Variants in FHIT observed in about 807,000 individuals in gnomAD.
FHIT encodes fragile histidine triad diadenosine triphosphatase, also known as bis(5'-adenosyl)-triphosphatase.
Under a neutral mutation model 17.9 loss-of-function variants are expected in FHIT, and 19 were observed. The observed-to-expected ratio is 1.06, with a 90% CI of 0.74 to 1.56. The LOEUF (loss-of-function observed/expected upper bound fraction) is 1.56. Ranked by LOEUF, FHIT falls within the 40% of genes most tolerant of loss-of-function variation. The pLI, the probability that FHIT is intolerant of heterozygous loss-of-function variation, is 0.00. For missense variants in FHIT, 248 were observed against 189.2 expected (o/e 1.31, Z -1.82); for synonymous variants, 81 against 69.7 (o/e 1.16, Z -0.81).
intron 7 of FHIT, among the ~76,000 whole-genome samples, chr3:59,938,617 G>A (rs1559481699): frequency 6.6e-6 from 1 of 151,988 alleles, no homozygotes; most frequent in Non-Finnish European, 1.5e-5. Flanking sequence ...ATGTGAATTT[G>A]CTTCATTATA....
chr3:59,845,826 A>G (rs138468073), intron 8 of FHIT, among the ~76,000 whole-genome samples: 1 of 152,120 alleles, frequency 6.6e-6, no homozygotes, highest in African/African-American at 2.4e-5. Flanking sequence ...CTGTTTTCTT[A>G]CTTAACTTCT....
chr3:60,473,286 A>G (rs1404362789), intron 5 of FHIT, among the ~76,000 whole-genome samples: 1 of 152,202 alleles, frequency 6.6e-6, no homozygotes, highest in African/African-American at 2.4e-5. Flanking sequence ...TAATTAAAGC[A>G]CTTAATTTGC....
At chr3:61,150,856 C>G (rs540640541) in intron 2 of FHIT, among the ~76,000 whole-genome samples, 2 of 152,002 alleles carry the variant, frequency 1.3e-5, no homozygotes, top group Non-Finnish European at 2.9e-5. Flanking sequence ...AATGCAAATA[C>G]GTAAGAGAGA....
At chr3:61,033,641 G>C (rs2033110644) in intron 3 of FHIT, among the ~76,000 whole-genome samples, 1 of 152,260 alleles carries the variant, frequency 6.6e-6, no homozygotes. Flanking sequence ...CAGAAGGAAA[G>C]ACTCCAGTAT....
chr3:60,557,942 T>C (rs17031618), intron 4 of FHIT, among the ~76,000 whole-genome samples: 17,391 of 152,068 alleles, frequency 0.11, 1,194 homozygotes, highest in Middle Eastern at 0.21. Flanking sequence ...CCTGGTTTCA[T>C]TGCAAAAATG....
At chr3:60,152,625 G>A (rs1234695820) in intron 5 of FHIT, among the ~76,000 whole-genome samples, 1 of 152,064 alleles carries the variant, frequency 6.6e-6, no homozygotes, top group Non-Finnish European at 1.5e-5. Flanking sequence ...AAATAACAAA[G>A]GAAAACATGT....
At chr3:59,948,064 A>T (rs2107295103) in intron 7 of FHIT, among the ~76,000 whole-genome samples, 1 of 152,136 alleles carries the variant, frequency 6.6e-6, no homozygotes, top group East Asian at 1.9e-4. Flanking sequence ...GAACCTTTTG[A>T]CTGTGTCCAG....
chr3:61,135,999 A>T (rs778993266), intron 2 of FHIT, among the ~76,000 whole-genome samples: 1 of 152,198 alleles, frequency 6.6e-6, no homozygotes, highest in Non-Finnish European at 1.5e-5. Flanking sequence ...GCTCATGATC[A>T]TGCTGGAGGT....
At chr3:59,992,196 A>G (rs1699305785) in intron 7 of FHIT, among the ~76,000 whole-genome samples, 1 of 151,996 alleles carries the variant, frequency 6.6e-6, no homozygotes, top group Non-Finnish European at 1.5e-5. Context: ...TAGTACTATT[A>G]CTCATTGCCA....
At chr3:60,883,991 A>G (rs1705094286) in intron 3 of FHIT, among the ~76,000 whole-genome samples, 1 of 152,236 alleles carries the variant, frequency 6.6e-6, no homozygotes, top group Non-Finnish European at 1.5e-5. Flanking sequence ...ACCAAAATAT[A>G]TAAGGAACTC....
At chr3:61,080,578 A>G (rs1398301952) in intron 2 of FHIT, among the ~76,000 whole-genome samples, 1 of 152,224 alleles carries the variant, frequency 6.6e-6, no homozygotes, top group African/African-American at 2.4e-5. Flanking sequence ...TCGATATTAT[A>G]GTGCACTAAT....
chr3:60,402,607 A>C (rs570372771), intron 5 of FHIT, among the ~76,000 whole-genome samples: 2 of 152,328 alleles, frequency 1.3e-5, no homozygotes, highest in East Asian at 3.9e-4. Context: ...AACAACATGC[A>C]CCAGATTTCT....
At chr3:60,381,288 G>A (rs1576571310) in intron 5 of FHIT, among the ~76,000 whole-genome samples, 1 of 151,900 alleles carries the variant, frequency 6.6e-6, no homozygotes, top group Non-Finnish European at 1.5e-5. Context: ...GACCAGCCTC[G>A]CCAGCATGTT....
chr3:60,989,526 T>C, intron 3 of FHIT, among the ~76,000 whole-genome samples: 1 of 152,098 alleles, frequency 6.6e-6, no homozygotes, highest in South Asian at 2.1e-4. Flanking sequence ...TCACAACAAC[T>C]CTAGGAGGTA....
chr3:60,056,210 T>C (rs1333591827), intron 5 of FHIT, among the ~76,000 whole-genome samples: 1 of 152,204 alleles, frequency 6.6e-6, no homozygotes, highest in Non-Finnish European at 1.5e-5. Flanking sequence ...TTCTCTTGGC[T>C]ACAGCTCTTA....
At chr3:60,294,390 C>A (rs1283214500) in intron 5 of FHIT, among the ~76,000 whole-genome samples, 1 of 152,076 alleles carries the variant, frequency 6.6e-6, no homozygotes, top group Non-Finnish European at 1.5e-5. Context: ...CCAGAGGAAC[C>A]CAGGTTCCAG....
intron 8 of FHIT, among the ~76,000 whole-genome samples, chr3:59,772,817 C>T (rs1339238564): frequency 6.6e-6 from 1 of 152,164 alleles, no homozygotes; most frequent in Non-Finnish European, 1.5e-5. Flanking sequence ...GCATCCACAA[C>T]TCCAAATTCA....
intron 8 of FHIT, among the ~76,000 whole-genome samples, chr3:59,866,556 A>G (rs1249705345): frequency 1.3e-5 from 2 of 152,224 alleles, no homozygotes; most frequent in Non-Finnish European, 2.9e-5. Flanking sequence ...TGGAGGATCA[A>G]CAAGAAGACT....
chr3:60,955,633 T>TAC lies in FHIT; in HGVS notation c.-111+86412_-111+86413dup, dbSNP rs1553778443. Among the ~76,000 whole-genome samples, 145 of 39,450 alleles carry TAC rather than the reference T, an allele frequency of 3.7e-3. 2 individuals are homozygous for TAC. The highest frequency in any genetic ancestry group is 0.011 in the African/African-American group (131 of 12,386). The allele number at this position is 39,450 out of a possible 152,430, so 25.9% of individuals were successfully genotyped here. On this transcript the variant is annotated intron_variant, in intron 3 of 9. Coordinates refer to ENST00000492590, the MANE Select transcript of FHIT (RefSeq NM_002012.4). ...ATATATATATATATATATATATATA[T>TAC]ACACACACACACATATATACATGTG...
Sources: allele counts gnomAD v4.1 joint callset (sites outside exome capture counted in the v4.1 genomes callset), GRCh38; gene constraint gnomAD v4.1.1; transcripts MANE v1.5; gene names NCBI Gene and HGNC (gene_info 2026-07-23, HGNC 2026-07-21).